Variants in USP11 observed in about 807,000 individuals in gnomAD.
The protein encoded by USP11 is ubiquitin carboxyl-terminal hydrolase 11.
A neutral mutation model predicts 72.8 loss-of-function variants in USP11; 5 were observed. That is an observed-to-expected ratio of 0.07 (90% CI 0.04 to 0.14). USP11 has a LOEUF of 0.14. USP11 is among the 10% of genes least tolerant of loss of function. The probability of loss-of-function intolerance (pLI) is 1.00; values close to 1 mark genes in which losing one functional copy is unlikely to be tolerated. For missense variants in USP11, 480 were observed against 794.7 expected (o/e 0.60, Z 4.76); for synonymous variants, 368 against 326.5 (o/e 1.13, Z -1.37).
At position 47,240,386 on chromosome X, in the gene USP11, G is replaced by C. The variant is rs1382798239; in HGVS notation, c.617G>C (p.Gly206Ala). The C allele has an allele frequency of 2.5e-6, 3 of 1,210,181 alleles. No homozygotes were observed. Among genetic ancestry groups the C allele is most frequent in the Non-Finnish European group, 3.4e-6 (3 of 895,285 alleles). Reference sequence around the variant, plus strand: ...CGGCTTTGGGCCAAGAACTCAGAAGGCTCTTTGGATAGGTTGTATGACACA... The same window carrying C: ...CGGCTTTGGGCCAAGAACTCAGAAGCCTCTTTGGATAGGTTGTATGACACA... ...DTRLWAKNSEGSLDRLYDTHI... is the reference protein window; with the variant it reads ...DTRLWAKNSEASLDRLYDTHI... Residue 206 changes from glycine (G) to alanine (A), a missense_variant, in exon 5 of 21, where the codon GGC becomes GCC. Gly to Ala is a moderately conservative substitution (Grantham distance 60). Transcript: ENST00000377107.
At chrX:47,247,255 G>C in intron 18 of USP11, 34 bp downstream of exon 18, 1 of 1,211,430 alleles carries the variant, frequency 8.3e-7, no homozygotes, top group South Asian at 1.8e-5. Context: ...CTGGGGGAAG[G>C]CAGGGAAAGG....
intron 1 of USP11, among the ~76,000 whole-genome samples, chrX:47,235,555 C>G (rs1350550758): frequency 9.1e-6 from 1 of 110,432 alleles, no homozygotes; most frequent in Admixed American, 9.7e-5. Context: ...CTTTATGAAG[C>G]TGGTCTCCTG....
At chrX:47,241,155 C>G in intron 7 of USP11, 122 bp from the exon 8 acceptor site, 1 of 758,133 alleles carries the variant, frequency 1.3e-6, no homozygotes, top group Non-Finnish European at 1.9e-6. Context: ...GCTCCTCTCT[C>G]TCCTCCCTTC....
rs75779070 is a variant in USP11 at position 47,247,020 on chromosome X, C to G, written c.2271-52C>G. On this transcript the variant is annotated intron_variant, in intron 17 of 20. Transcript: ENST00000377107. ...TGGGCAACAGAGCGATTCTCTGTCT[C>G]AAAAAAAAAAAAAAGAAAAAGTCCG... 3 of 428,754 alleles carry G rather than the reference C, an allele frequency of 7.0e-6. No individual in the cohort carries two copies. In the African/African-American group the frequency reaches 9.6e-5, roughly 14 times the overall value. The allele number at this position is 428,754 out of a possible 1,213,427, so 35.3% of individuals were successfully genotyped here.
At chrX:47,239,939 T>C in intron 4 of USP11, 32 bp downstream of exon 4, 1 of 1,167,815 alleles carries the variant, frequency 8.6e-7, no homozygotes, top group South Asian at 1.8e-5. Context: ...TGGGTTGGTG[T>C]TCCTAGCTAC....
At position 47,247,696 on chromosome X, in the gene USP11, C is replaced by T. The variant is rs182381425; in HGVS notation, c.2622C>T (p.Ile874=). ...TCTCCCCTGTCAATGAGAATCAGAT[C>T]GAGGTGTGACTTCCATCCTACCTCC... ...NSVSPVNENQ[I]ESKAAYVLFY... is the part of the protein sequence containing the mutation. Residue 874 remains isoleucine, a synonymous_variant, in exon 20 of 21, where the codon ATC becomes ATT. Transcript: ENST00000377107. The T allele has an allele frequency of 1.2e-5, 15 of 1,208,290 alleles. No homozygotes were observed. In the East Asian group the frequency reaches 2.4e-4, roughly 19 times the overall value.
At position 47,239,857 on chromosome X, in the gene USP11, A is replaced by C. The variant is rs1349290091; in HGVS notation, c.485A>C (p.Asn162Thr). Residue 162 changes from asparagine to threonine, a missense_variant, in exon 4 of 21, where the codon AAT (asparagine) becomes ACT (threonine). By Grantham distance (65) the Asn-to-Thr change is moderately conservative. Around this residue, in one of 5 missense-constraint regions of USP11, gnomAD observed 80 missense variants for 100.9 expected, o/e 0.79. Transcript: ENST00000377107. ...GTAGAACTGCTGCTTGTCCGGCACA[A>C]TGATTTGGGCAAATCTCACACTGTT... The part of the protein sequence containing the change: ...YPVELLLVRH[N>T]DLGKSHTVQF... 1 of 1,209,934 alleles carries C rather than the reference A, an allele frequency of 8.3e-7. No individual in the cohort carries two copies. The highest frequency in any genetic ancestry group is 3.0e-5 in the East Asian group (1 of 33,768).
At position 47,241,524 on chromosome X, in the gene USP11, C is replaced by T; in HGVS notation, c.1021-17C>T. On this transcript the variant is annotated splice_polypyrimidine_tract_variant and intron_variant, in intron 8 of 20. Transcript: ENST00000377107. ...CCTAACTCCCTCTCTCTCTGATGACCCTGCCCATCTTCTTAGAACAAGGTT... is the reference window on the plus strand; with the variant it reads ...CCTAACTCCCTCTCTCTCTGATGACTCTGCCCATCTTCTTAGAACAAGGTT... The T allele has an allele frequency of 3.4e-6, 4 of 1,192,163 alleles. No individual in the cohort carries two copies. Among genetic ancestry groups the T allele is most frequent in the Admixed American group, 2.3e-5 (1 of 44,341 alleles).
chrX:47,241,140 C>A, intron 7 of USP11, 137 bp from the exon 8 acceptor site: 1 of 682,853 alleles, frequency 1.5e-6, no homozygotes, highest in Non-Finnish European at 2.2e-6. Flanking sequence ...CTCCCCTACT[C>A]TCCTGCTCCT....
rs760623630 is a variant in USP11 at position 47,240,658 on chromosome X, T to TG, written c.743+14dup. 15 of 1,210,342 alleles carry TG rather than the reference T, an allele frequency of 1.2e-5. No individual in the cohort carries two copies. In the South Asian group the frequency reaches 2.6e-4, roughly 21 times the overall value. On this transcript the variant is annotated intron_variant, in intron 6 of 20. Transcript: ENST00000377107. Reference sequence around the variant, plus strand: ...CACAGCTGCATGTCATGTGAGCCCTTGGGGTATCTGGTCCAGAGCGGGGGC... The same window carrying TG: ...CACAGCTGCATGTCATGTGAGCCCTTGGGGGTATCTGGTCCAGAGCGGGGGC...
intron 1 of USP11, among the ~76,000 whole-genome samples, chrX:47,238,379 G>A (rs182081914): frequency 0.012 from 1,318 of 108,342 alleles, 4 homozygotes; most frequent in Middle Eastern, 0.043. Context: ...TAGTAGAGAC[G>A]GTTTCACCAT....
At position 47,248,041 on chromosome X, in the gene USP11, G is replaced by A; in HGVS notation, c.*111G>A. On this transcript the variant is annotated 3_prime_UTR_variant, in exon 21 of 21. Coordinates refer to ENST00000377107, the MANE Select transcript of USP11 (RefSeq NM_001371072.1). Reference sequence around the variant, plus strand: ...GTGTTAGGTGCCCCCGCCAGGCATTGCAGGCTTAGTCGTGGCTACTGTTCT... The same window carrying A: ...GTGTTAGGTGCCCCCGCCAGGCATTACAGGCTTAGTCGTGGCTACTGTTCT... 9.6e-7 allele frequency: 1 copy of A among 1,041,798 alleles called. No homozygotes were observed. Among genetic ancestry groups the A allele is most frequent in the Non-Finnish European group, 1.3e-6 (1 of 790,856 alleles). The allele number at this position is 1,041,798 out of a possible 1,213,427, so 85.9% of individuals were successfully genotyped here.
intron 1 of USP11, among the ~76,000 whole-genome samples, chrX:47,237,499 C>A (rs907539228): frequency 2.7e-5 from 3 of 111,108 alleles, no homozygotes; most frequent in African/African-American, 9.9e-5. Context: ...TTTAAAGAAT[C>A]ACATTGATGA....
chrX:47,242,349 A>G, intron 10 of USP11, 43 bp downstream of exon 10: 3 of 1,205,342 alleles, frequency 2.5e-6, no homozygotes, highest in Non-Finnish European at 3.4e-6. Context: ...ATGGACACAT[A>G]GAGTTTGATT....
chrX:47,239,588 G>A, intron 3 of USP11, 107 bp downstream of exon 3: 1 of 1,099,276 alleles, frequency 9.1e-7, no homozygotes, highest in Non-Finnish European at 1.2e-6. Flanking sequence ...ACATATGTCT[G>A]CTCTCTTCCC....
intron 1 of USP11, among the ~76,000 whole-genome samples, chrX:47,236,817 C>T (rs1164568694): frequency 8.9e-6 from 1 of 111,879 alleles, no homozygotes; most frequent in Non-Finnish European, 1.9e-5. Flanking sequence ...ATGATAGCAT[C>T]CAAAAAATTG....
chrX:47,239,019 G>A, intron 1 of USP11, 51 bp from the exon 2 acceptor site: 1 of 965,330 alleles, frequency 1.0e-6, no homozygotes, highest in Non-Finnish European at 1.5e-6. Flanking sequence ...AAGTTGTATA[G>A]CTAACCCTCA....
At chrX:47,243,151 T>C (rs780913279) in intron 12 of USP11, among the ~76,000 whole-genome samples, 5 of 110,065 alleles carry the variant, frequency 4.5e-5, no homozygotes, top group African/African-American at 1.3e-4. Flanking sequence ...TAGTCCCAGC[T>C]ACTCGGGAGG....
At chrX:47,242,408 T>A (rs781516560) in intron 10 of USP11, 31 bp from the exon 11 acceptor site, 3 of 1,210,592 alleles carry the variant, frequency 2.5e-6, no homozygotes, top group Admixed American at 4.3e-5. Flanking sequence ...CAAGCCCTTT[T>A]GGTCTTTTGT....
Sources: allele counts gnomAD v4.1 joint callset (sites outside exome capture counted in the v4.1 genomes callset), GRCh38; gene constraint gnomAD v4.1.1; regional missense constraint gnomAD v4.1.1; transcripts MANE v1.5; gene names NCBI Gene and HGNC (gene_info 2026-07-23, HGNC 2026-07-21).